Variants in COL4A6 observed in about 807,000 individuals in gnomAD.
The protein encoded by COL4A6 is collagen alpha-6(IV) chain.
COL4A6 carries 59 observed loss-of-function variants against 126.7 expected under a neutral mutation model. The observed-to-expected ratio is 0.47, with a 90% CI of 0.38 to 0.58. COL4A6 has a LOEUF of 0.58. COL4A6 is among the 20% of genes least tolerant of loss of function. The pLI, the probability that COL4A6 is intolerant of heterozygous loss-of-function variation, is 0.00. For missense variants in COL4A6, 1,285 were observed against 1,337.3 expected (o/e 0.96, Z 0.61); for synonymous variants, 547 against 496.6 (o/e 1.10, Z -1.35).
chrX:108,243,883 A>G (rs1215595877), intron 3 of COL4A6, among the ~76,000 whole-genome samples: 1 of 111,917 alleles, frequency 8.9e-6, no homozygotes, highest in African/African-American at 3.3e-5. Context: ...CTACACAAAC[A>G]ACTTAGTCAT....
Position 108,161,684 on chromosome X carries a change from G to C in COL4A6, c.4268C>G (p.Pro1423Arg). The C allele has an allele frequency of 1.7e-6, 2 of 1,204,529 alleles. No homozygotes were observed. Among genetic ancestry groups the C allele is most frequent in the Non-Finnish European group, 2.2e-6 (2 of 892,367 alleles). Residue 1423 changes from proline to arginine, a missense_variant, in exon 42 of 45, where the codon CCA becomes CGA. Coordinates refer to ENST00000334504, the MANE Select transcript of COL4A6 (RefSeq NM_033641.4). Reference protein sequence around the residue: ...IPGKDGPSGLPGPPGALGDPG... With the variant: ...IPGKDGPSGLRGPPGALGDPG... ...ATCACCAAGAGCCCCAGGTGGGCCT[G>C]GGAGCCCACTGGGGCCATCTTTACC...
At chrX:108,318,960 T>C (rs866800854) in intron 2 of COL4A6, among the ~76,000 whole-genome samples, 1 of 112,571 alleles carries the variant, frequency 8.9e-6, no homozygotes, top group Admixed American at 9.3e-5. Context: ...AAGTGATACA[T>C]CTCTTGTGTT....
At chrX:108,343,699 A>T (rs1402511303) in intron 2 of COL4A6, among the ~76,000 whole-genome samples, 2 of 110,993 alleles carry the variant, frequency 1.8e-5, no homozygotes, top group Non-Finnish European at 3.8e-5. Flanking sequence ...TAACTGAAGC[A>T]ATAAAAAATA....
At chrX:108,296,430 G>T (rs2038328303) in intron 3 of COL4A6, among the ~76,000 whole-genome samples, 1 of 111,788 alleles carries the variant, frequency 8.9e-6, no homozygotes, top group South Asian at 3.8e-4. Context: ...CTGCATGTCT[G>T]TTCCTCTGAG....
rs775413948 is a variant in COL4A6 at position 108,395,196 on chromosome X, T to C, written c.63+42746A>G. ...CTGAAAGATCAAGGGCAAGAGTACC[T>C]TTTCCTAGCAAAGTTTATAAAGCTC... On this transcript the variant is annotated intron_variant, in intron 2 of 44. Coordinates refer to ENST00000334504, the MANE Select transcript of COL4A6 (RefSeq NM_033641.4). 2.3e-3 allele frequency among the ~76,000 whole-genome samples: 254 copies of C among 111,812 alleles called. 1 individual carries two copies. The highest frequency in any genetic ancestry group is 4.0e-3 in the Non-Finnish European group (214 of 53,136).
At chrX:108,244,340 CAT>C (rs1447559190) in intron 3 of COL4A6, among the ~76,000 whole-genome samples, 1 of 111,495 alleles carries the variant, frequency 9.0e-6, no homozygotes, top group Non-Finnish European at 1.9e-5. Context: ...GGCGAAAACC[CAT>C]AGTCTTTTTT....
At chrX:108,352,229 G>A (rs1362106297) in intron 2 of COL4A6, among the ~76,000 whole-genome samples, 2 of 112,554 alleles carry the variant, frequency 1.8e-5, no homozygotes. Context: ...GAACATGCCT[G>A]ATGCATAAGA....
At position 108,187,116 on chromosome X, in the gene COL4A6, T is replaced by G; in HGVS notation, c.1931A>C (p.Gln644Pro). The part of the protein sequence containing the change: ...DKGKDGLPGQ[Q>P]GLPGSKGITL... ...CTCACCCTTAGATCCGGGAAGGCCT[T>G]GTTGTCCCGGTAATCCATCCTTGCC... The change falls in exon 23 of 45, where the codon CAA becomes CCA. Residue 644 changes from glutamine to proline, a missense_variant. Physicochemically the swap from Gln to Pro is moderately conservative, Grantham distance 76. Coordinates refer to ENST00000334504, the MANE Select transcript of COL4A6 (RefSeq NM_033641.4). The G allele has an allele frequency of 8.6e-7, 1 of 1,167,255 alleles. No homozygotes were observed. The highest frequency in any genetic ancestry group is 1.2e-6 in the Non-Finnish European group (1 of 868,901).
intron 2 of COL4A6, among the ~76,000 whole-genome samples, chrX:108,400,616 C>T (rs2041066068): frequency 9.0e-6 from 1 of 111,306 alleles, no homozygotes; most frequent in African/African-American, 3.3e-5. Context: ...CCAGCTCCCA[C>T]TGTGAAAAAG....
At chrX:108,175,619 G>C in intron 29 of COL4A6, 35 bp downstream of exon 29, 1 of 1,170,504 alleles carries the variant, frequency 8.5e-7, no homozygotes, top group Non-Finnish European at 1.1e-6. Context: ...TGAAAAGCAT[G>C]GGCAGCAGTT....
intron 23 of COL4A6, among the ~76,000 whole-genome samples, chrX:108,181,169 C>G (rs887007469): frequency 8.9e-6 from 1 of 112,378 alleles, no homozygotes; most frequent in African/African-American, 3.2e-5. Context: ...TGAGAATGCT[C>G]CTAGTGTCCA....
At chrX:108,258,433 C>G (rs188959499) in intron 3 of COL4A6, among the ~76,000 whole-genome samples, 29 of 111,825 alleles carry the variant, frequency 2.6e-4, no homozygotes, top group Non-Finnish European at 1.7e-4. Context: ...ACTGGGGGAT[C>G]AGGCCTATCT....
intron 3 of COL4A6, among the ~76,000 whole-genome samples, chrX:108,238,675 T>A (rs2036496790): frequency 9.2e-6 from 1 of 109,180 alleles, no homozygotes; most frequent in Admixed American, 1.0e-4. Flanking sequence ...TCCCCGTAAG[T>A]GTCCTATTTT....
intron 3 of COL4A6, among the ~76,000 whole-genome samples, chrX:108,306,184 G>A (rs1461542557): frequency 8.9e-6 from 1 of 112,041 alleles, no homozygotes; most frequent in African/African-American, 3.2e-5. Context: ...ATATAGCAGG[G>A]CCATCAAGGA....
chrX:108,225,529 C>T (rs1289689971), intron 3 of COL4A6, among the ~76,000 whole-genome samples: 2 of 112,507 alleles, frequency 1.8e-5, no homozygotes, highest in Non-Finnish European at 3.8e-5. Context: ...TGAGTTGGGA[C>T]TTGTGCTTAA....
At chrX:108,373,685 G>C (rs1291807412) in intron 2 of COL4A6, among the ~76,000 whole-genome samples, 1 of 111,064 alleles carries the variant, frequency 9.0e-6, no homozygotes, top group Non-Finnish European at 1.9e-5. Flanking sequence ...ACTTCATCTT[G>C]TTCATTACTA....
At chrX:108,243,432 T>A (rs780256264) in intron 3 of COL4A6, among the ~76,000 whole-genome samples, 1 of 110,499 alleles carries the variant, frequency 9.0e-6, no homozygotes, top group East Asian at 2.9e-4. Flanking sequence ...ATACCAGAGT[T>A]CTCTCTTGCC....
chrX:108,391,122 T>A (rs1024356505), intron 2 of COL4A6, among the ~76,000 whole-genome samples: 6 of 111,350 alleles, frequency 5.4e-5, no homozygotes, highest in Non-Finnish European at 1.9e-5. Flanking sequence ...CTGTATGAGC[T>A]GTCTGTCTGC....
Position 108,180,934 on chromosome X carries a change from G to A in COL4A6, c.1986C>T (p.Tyr662=), listed in dbSNP as rs368415554. ...GAGTGCCTGGAAATCCTGATGGACC[G>A]TATGACCCAGGAATAATACAGGGCA... ...ITLPCIIPGS[Y]GPSGFPGTPG... Residue 662 remains tyrosine, a synonymous_variant, in exon 24 of 45, where the codon TAC becomes TAT. Transcript: ENST00000334504. The A allele has an allele frequency of 6.8e-5, 82 of 1,208,904 alleles. No individual in the cohort carries two copies. The highest frequency in any genetic ancestry group is 1.0e-4 in the African/African-American group (6 of 57,199).
Sources: allele counts gnomAD v4.1 joint callset (sites outside exome capture counted in the v4.1 genomes callset), GRCh38; gene constraint gnomAD v4.1.1; transcripts MANE v1.5; gene names NCBI Gene and HGNC (gene_info 2026-07-23, HGNC 2026-07-21).